The following LGR6 variants were observed in gnomAD, a reference collection of about 807,000 sequenced individuals.
LGR6 encodes the protein leucine-rich repeat-containing G protein-coupled receptor 6.
LGR6 carries 45 observed loss-of-function variants against 69.4 expected under a neutral mutation model. The observed-to-expected ratio is 0.65, with a 90% CI of 0.51 to 0.83. LGR6 has a LOEUF of 0.83. LGR6 is among the 40% of genes least tolerant of loss of function. The probability of loss-of-function intolerance (pLI) is 0.00; values close to 1 mark genes in which losing one functional copy is unlikely to be tolerated. For synonymous variants in LGR6, 538 were observed against 555.0 expected, an observed-to-expected ratio of 0.97 and a Z score of 0.43; for missense variants, 1,108 against 1,246.7, an observed-to-expected ratio of 0.89 and a Z score of 1.68.
intron 6 of LGR6, among the ~76,000 whole-genome samples, chr1:202,283,705 C>T (rs1232828281): frequency 1.3e-5 from 2 of 152,242 alleles, no homozygotes; most frequent in African/African-American, 4.8e-5. Context: ...TGGAACTGCA[C>T]AGCCAATCAT....
rs189825451 is a variant in LGR6 at position 202,282,867 on chromosome 1, G to A, written c.716+2015G>A. 3.8e-3 allele frequency among the ~76,000 whole-genome samples: 581 copies of A among 152,344 alleles called. 5 individuals are homozygous for A. The highest frequency in any genetic ancestry group is 4.5e-3 in the Non-Finnish European group (306 of 68,032). ...CCCACTGTACCTTTCATCTACAGGA[G>A]CACTTGATTCCATCACACAAAGCCC... On this transcript the variant is annotated intron_variant, in intron 6 of 17. Transcript: ENST00000367278.
intron 6 of LGR6, among the ~76,000 whole-genome samples, chr1:202,288,545 C>T (rs1335418664): frequency 2.6e-5 from 4 of 152,184 alleles, no homozygotes; most frequent in African/African-American, 4.8e-5. Flanking sequence ...TACTGGGAGG[C>T]ATTGGACCGT....
At chr1:202,240,865 G>T (rs1454727902) in intron 4 of LGR6, among the ~76,000 whole-genome samples, 1 of 152,232 alleles carries the variant, frequency 6.6e-6, no homozygotes, top group African/African-American at 2.4e-5. Context: ...AGGGACTATT[G>T]TGCCCCCAGA....
In LGR6 at chr1:202,227,394, C is replaced by T. The variant is rs185566563; in HGVS notation, c.285-542C>T. Among the ~76,000 whole-genome samples, 21 of 152,266 alleles carry T rather than the reference C, an allele frequency of 1.4e-4. No homozygotes were observed. The East Asian group carries it at 1.7e-3, about 13-fold the overall frequency. On this transcript the variant is annotated intron_variant, in intron 2 of 17. Coordinates refer to ENST00000367278, the MANE Select transcript of LGR6 (RefSeq NM_001017403.2). ...GTGATTGCCCCGATAAACATGGAAA[C>T]GCTTAATTAGACCAGAATGTTAGAT...
chr1:202,239,504 G>C (rs547679275), intron 4 of LGR6, among the ~76,000 whole-genome samples: 1 of 152,018 alleles, frequency 6.6e-6, no homozygotes, highest in South Asian at 2.1e-4. Flanking sequence ...TTAAGACAGC[G>C]GGGAGCCACG....
Position 202,318,005 on chromosome 1 carries a change from G to T in LGR6, c.1702G>T (p.Val568Leu), listed in dbSNP as rs200345103. Residue 568 changes from valine to leucine, a missense_variant, in exon 18 of 18, where the codon GTG becomes TTG. Val to Leu is a conservative substitution (Grantham distance 32). Transcript: ENST00000367278. The stretch of plus-strand genomic sequence containing the variant: ...TGAAAGCTGGGGCATCCGCCTGGCC[G>T]TGTGGGCCATCGTGTTGCTCTCCGT... ...LFESWGIRLAVWAIVLLSVLC... is the reference protein window; with the variant it reads ...LFESWGIRLALWAIVLLSVLC... 6.2e-7 allele frequency: 1 copy of T among 1,614,100 alleles called. No individual in the cohort carries two copies. The highest frequency in any genetic ancestry group is 8.5e-7 in the Non-Finnish European group (1 of 1,179,990).
chr1:202,253,995 C>T (rs560808054), intron 4 of LGR6, among the ~76,000 whole-genome samples: 141 of 150,754 alleles, frequency 9.4e-4, no homozygotes, highest in African/African-American at 3.4e-3. Context: ...TTAGTAGAGA[C>T]GGGGTTTCAC....
At chr1:202,300,261 T>C (rs1012640796) in intron 7 of LGR6, among the ~76,000 whole-genome samples, 1 of 152,222 alleles carries the variant, frequency 6.6e-6, no homozygotes, top group Admixed American at 6.5e-5. Flanking sequence ...AGCCTCTTGC[T>C]CTTGAGTTGC....
intron 17 of LGR6, among the ~76,000 whole-genome samples, chr1:202,316,845 A>G (rs992069512): frequency 6.6e-6 from 1 of 152,354 alleles, no homozygotes; most frequent in South Asian, 2.1e-4. Flanking sequence ...AAGAAATAAT[A>G]TTTCCAAAGT....
chr1:202,287,915 C>T (rs1201349475), intron 6 of LGR6, among the ~76,000 whole-genome samples: 1 of 152,152 alleles, frequency 6.6e-6, no homozygotes, highest in Non-Finnish European at 1.5e-5. Flanking sequence ...GTTTTCAACA[C>T]AACAACCAGA....
At chr1:202,292,571 T>G in intron 6 of LGR6, among the ~76,000 whole-genome samples, 1 of 152,102 alleles carries the variant, frequency 6.6e-6, no homozygotes, top group East Asian at 1.9e-4. Flanking sequence ...GAGAGACCAG[T>G]GAGGAGACAA....
chr1:202,253,028 CTG>C, intron 4 of LGR6, among the ~76,000 whole-genome samples: 1 of 152,208 alleles, frequency 6.6e-6, no homozygotes, highest in East Asian at 1.9e-4. Context: ...GGACTCCAGA[CTG>C]TGGCAGCCCA....
At chr1:202,302,394 C>G (rs1328005313) in intron 9 of LGR6, among the ~76,000 whole-genome samples, 1 of 152,124 alleles carries the variant, frequency 6.6e-6, no homozygotes, top group Non-Finnish European at 1.5e-5. Flanking sequence ...CTGGACCCCA[C>G]GCTGCCTCCT....
intron 1 of LGR6, chr1:202,194,727 A>C (rs1345714654): frequency 3.8e-6 from 1 of 261,506 alleles, no homozygotes; most frequent in Non-Finnish European, 7.6e-6. Flanking sequence ...GTTTCCTAGA[A>C]GCTGGGAGGG....
At chr1:202,242,072 G>T (rs907910508) in intron 4 of LGR6, among the ~76,000 whole-genome samples, 1 of 152,298 alleles carries the variant, frequency 6.6e-6, no homozygotes, top group Non-Finnish European at 1.5e-5. Context: ...GGCCGGGGAA[G>T]GCAGCTGGGC....
At chr1:202,211,852 C>T (rs1659474125) in intron 1 of LGR6, among the ~76,000 whole-genome samples, 1 of 152,178 alleles carries the variant, frequency 6.6e-6, no homozygotes, top group African/African-American at 2.4e-5. Context: ...CCCACCCCCA[C>T]AAAGATAGCA....
Position 202,282,246 on chromosome 1 carries a change from G to A in LGR6, c.716+1394G>A, listed in dbSNP as rs546079657. 3.3e-4 allele frequency among the ~76,000 whole-genome samples: 50 copies of A among 152,316 alleles called. 1 individual carries two copies. Among genetic ancestry groups the A allele is most frequent in the African/African-American group, 1.1e-3 (47 of 41,558 alleles). On this transcript the variant is annotated intron_variant, in intron 6 of 17. Coordinates refer to ENST00000367278, the MANE Select transcript of LGR6 (RefSeq NM_001017403.2). ...CCTCTCTAGCTGTCATAGACAGCTG[G>A]GCAGTTAACTCTGGACAGTCTAGCC... is the stretch of plus-strand genomic sequence containing the variant.
chr1:202,222,591 TTTCGGCACCTCGAGCC>T (rs1455449101), intron 1 of LGR6, among the ~76,000 whole-genome samples: 2 of 152,218 alleles, frequency 1.3e-5, no homozygotes, highest in South Asian at 2.1e-4. Flanking sequence ...AATCATTTTT[TTTCGGCACCTCGAGCC>T]TCCTGCCTCA....
chr1:202,306,799 G>C (rs1653239147), intron 12 of LGR6, 69 bp from the exon 13 acceptor site: 1 of 1,412,940 alleles, frequency 7.1e-7, no homozygotes, highest in African/African-American at 1.4e-5. Context: ...TCCTCCCAGT[G>C]CTCGGGGGGC....
Sources: allele counts gnomAD v4.1 joint callset (sites outside exome capture counted in the v4.1 genomes callset), GRCh38; gene constraint gnomAD v4.1.1; transcripts MANE v1.5; gene names NCBI Gene and HGNC (gene_info 2026-07-23, HGNC 2026-07-21).